AKAP3: variants seen among roughly 807,000 people sequenced by gnomAD.
AKAP3 encodes A-kinase anchor protein 3.
AKAP3 carries 27 observed loss-of-function variants against 57.2 expected under a neutral mutation model. That is an observed-to-expected ratio of 0.47 (90% confidence interval 0.35 to 0.65). The LOEUF is 0.65. AKAP3 is among the 30% of genes least tolerant of loss of function. The probability of loss-of-function intolerance (pLI) is 0.01; values close to 1 mark genes in which losing one functional copy is unlikely to be tolerated. For synonymous variants in AKAP3, 334 were observed against 392.3 expected (o/e 0.85, Z 1.76); for missense variants, 959 against 1,040.0 (o/e 0.92, Z 1.07).
chr12:4,627,118 A>G lies in AKAP3; in HGVS notation c.1784T>C (p.Phe595Ser). 6.2e-7 allele frequency: 1 copy of G among 1,614,182 alleles called. No homozygotes were observed. Among genetic ancestry groups the G allele is most frequent in the Non-Finnish European group, 8.5e-7 (1 of 1,180,032 alleles). ...AEKKDLRSVFFNFIRNLLSET... is the reference protein window; with the variant it reads ...AEKKDLRSVFSNFIRNLLSET... The stretch of plus-strand genomic sequence containing the variant: ...ACTAAGTAAGTTCCGGATGAAATTA[A>G]AGAAAACACTCCTTAGGTCCTTCTT... The change falls in exon 5 of 6, where the codon TTT becomes TCT. Residue 595 changes from phenylalanine (F) to serine (S), a missense_variant. Phe to Ser is a radical substitution (Grantham distance 155, BLOSUM62 -2). Transcript: ENST00000228850.
intron 5 of AKAP3, 125 bp downstream of exon 5, chr12:4,626,371 T>C: frequency 8.2e-7 from 1 of 1,224,304 alleles, no homozygotes; most frequent in South Asian, 1.6e-5. Flanking sequence ...AGGCATGATC[T>C]TCAAATCCCA....
In AKAP3 at chr12:4,628,315, G is replaced by C. The variant is rs768265184; in HGVS notation, c.587C>G (p.Pro196Arg). The change falls in exon 5 of 6, where the codon CCT (proline) becomes CGT (arginine). Residue 196 changes from proline to arginine, a missense_variant. Pro to Arg is a moderately radical substitution (Grantham distance 103, BLOSUM62 -2). Transcript: ENST00000228850. Reference protein sequence around the residue: ...CSRNAAPDKAPGSGDRVSGSS... With the variant: ...CSRNAAPDKARGSGDRVSGSS... ...TCCCGAGACTCTGTCTCCAGAGCCA[G>C]GAGCCTTGTCTGGGGCAGCATTCCT... 9.3e-6 allele frequency: 15 copies of C among 1,614,196 alleles called. No individual in the cohort carries two copies. The highest frequency in any genetic ancestry group is 3.3e-4 in the Middle Eastern group (2 of 6,060).
intron 2 of AKAP3, among the ~76,000 whole-genome samples, chr12:4,642,450 CAT>C (rs1220111276): frequency 6.6e-6 from 1 of 152,158 alleles, no homozygotes; most frequent in Non-Finnish European, 1.5e-5. Context: ...AAAGGGAGTT[CAT>C]AGATATCTTC....
chr12:4,629,274 G>A (rs1487551270), intron 4 of AKAP3, among the ~76,000 whole-genome samples: 6 of 152,180 alleles, frequency 3.9e-5, no homozygotes, highest in South Asian at 2.1e-4. Context: ...TGTAAAGGAC[G>A]TGATATCATT....
chr12:4,623,235 A>T (rs868524550), intron 5 of AKAP3, among the ~76,000 whole-genome samples: 1 of 152,226 alleles, frequency 6.6e-6, no homozygotes, highest in African/African-American at 2.4e-5. Flanking sequence ...ACTACTGTTC[A>T]ACCCAGCAAT....
intron 2 of AKAP3, among the ~76,000 whole-genome samples, chr12:4,644,498 G>A (rs1945675375): frequency 6.6e-6 from 1 of 152,206 alleles, no homozygotes; most frequent in Admixed American, 6.5e-5. Flanking sequence ...GGATAGCTGA[G>A]GAGATCTTGT....
rs1016994166 is a variant in AKAP3, at chr12:4,628,784, T to C, written c.118A>G (p.Arg40Gly). The change falls in exon 5 of 6, where the codon AGA becomes GGA. Residue 40 changes from arginine (R) to glycine (G), a missense_variant. Arg to Gly is a moderately radical substitution (Grantham distance 125). Coordinates refer to ENST00000228850, the MANE Select transcript of AKAP3 (RefSeq NM_001278309.2). ...TCTCTGCGGAGCCAGCTGAGCACTC[T>C]GACAGGATCCGTGGAGGTGTCCTTA... ...WKMDTSTDPV[R>G]VLSWLRRDLE... is the part of the protein sequence containing the mutation. 1 of 1,607,488 alleles carries C rather than the reference T, an allele frequency of 6.2e-7. No homozygotes were observed. The highest frequency in any genetic ancestry group is 1.3e-5 in the African/African-American group (1 of 74,808).
rs185509117 is a variant in AKAP3, at chr12:4,632,497, G to A, written c.97-3692C>T. ...TATTAATGGTTGAGACTATAATTAG[G>A]AACAAGAGTTTCAGAGAAGTCTAAG... On this transcript the variant is annotated intron_variant, in intron 4 of 5. Transcript: ENST00000228850. Among the ~76,000 whole-genome samples the A allele has an allele frequency of 1.3e-3, 205 of 152,316 alleles. 2 individuals are homozygous for A. Among genetic ancestry groups the A allele is most frequent in the African/African-American group, 4.7e-3 (195 of 41,570 alleles).
chr12:4,622,565 T>G (rs1945359751), intron 5 of AKAP3, among the ~76,000 whole-genome samples: 1 of 152,186 alleles, frequency 6.6e-6, no homozygotes, highest in South Asian at 2.1e-4. Context: ...CTGGGATAAC[T>G]GGCTAGCCAT....
At chr12:4,616,119 C>T (rs1470000733) in intron 5 of AKAP3, among the ~76,000 whole-genome samples, 4 of 152,226 alleles carry the variant, frequency 2.6e-5, no homozygotes, top group African/African-American at 4.8e-5. Context: ...TCTAAGAATT[C>T]TAAGGTTCTA....
chr12:4,632,326 A>C (rs972110378), intron 4 of AKAP3, among the ~76,000 whole-genome samples: 3 of 152,202 alleles, frequency 2.0e-5, no homozygotes, highest in African/African-American at 7.2e-5. Flanking sequence ...CGTCATGTGT[A>C]GTCGTGAGTT....
At chr12:4,641,531 T>G (rs1945637839) in intron 3 of AKAP3, among the ~76,000 whole-genome samples, 1 of 152,260 alleles carries the variant, frequency 6.6e-6, no homozygotes, top group African/African-American at 2.4e-5. Context: ...CTTATGTTAA[T>G]GTTTTGTTAT....
At chr12:4,635,217 A>G in intron 4 of AKAP3, 2 of 258,332 alleles carry the variant, frequency 7.7e-6, no homozygotes, top group Non-Finnish European at 1.5e-5. Context: ...ATAATTCTGC[A>G]TTAGAAACTT....
At chr12:4,631,720 C>T (rs1338781234) in intron 4 of AKAP3, among the ~76,000 whole-genome samples, 1 of 152,158 alleles carries the variant, frequency 6.6e-6, no homozygotes, top group Non-Finnish European at 1.5e-5. Flanking sequence ...AGTATTTTTA[C>T]AGAACCTAAC....
Position 4,627,134 on chromosome 12 carries a change from G to T in AKAP3, c.1768C>A (p.Leu590Ile), listed in dbSNP as rs747174463. 2 of 1,614,100 alleles carry T rather than the reference G, an allele frequency of 1.2e-6. No homozygotes were observed. The highest frequency in any genetic ancestry group is 1.7e-6 in the Non-Finnish European group (2 of 1,180,038). ...ATGAAATTAAAGAAAACACTCCTTA[G>T]GTCCTTCTTTTCTGCTTGTTCTTGG... ...GDQEQAEKKD[L>I]RSVFFNFIRN... Residue 590 changes from leucine (L) to isoleucine (I), a missense_variant, in exon 5 of 6, where the codon CTA becomes ATA. Transcript: ENST00000228850.
At chr12:4,617,365 G>C (rs1945297223) in intron 5 of AKAP3, among the ~76,000 whole-genome samples, 1 of 152,248 alleles carries the variant, frequency 6.6e-6, no homozygotes, top group Admixed American at 6.5e-5. Flanking sequence ...GATGATATCA[G>C]AAGGAAACTG....
rs770824582 is a variant in AKAP3, at chr12:4,625,976, A to G, written c.2406+520T>C. Among the ~76,000 whole-genome samples, 2 of 152,104 alleles carry G rather than the reference A, an allele frequency of 1.3e-5. No individual in the cohort carries two copies. The highest frequency in any genetic ancestry group is 1.5e-5 in the Non-Finnish European group (1 of 68,016). On this transcript the variant is annotated intron_variant, in intron 5 of 5. Transcript: ENST00000228850. This position sits in a 1 kb window ranked among gnomAD's most constrained non-coding sequence, Gnocchi z 5.4. ...CCTTATGCTTTAGTCTTACTTGTCAACTGATTCAGAGCTTAGGGTAGGGGG... is the reference window on the plus strand; with the variant it reads ...CCTTATGCTTTAGTCTTACTTGTCAGCTGATTCAGAGCTTAGGGTAGGGGG...
intron 5 of AKAP3, among the ~76,000 whole-genome samples, chr12:4,620,139 G>A (rs1367915661): frequency 6.6e-6 from 1 of 152,148 alleles, no homozygotes; most frequent in African/African-American, 2.4e-5. Context: ...ATTGGTACAA[G>A]AGTAGATGGA....
At chr12:4,623,991 ATG>A (rs1945377608) in intron 5 of AKAP3, among the ~76,000 whole-genome samples, 1 of 67,584 alleles carries the variant, frequency 1.5e-5, no homozygotes, top group Non-Finnish European at 3.2e-5. Flanking sequence ...ATTTGGAAAC[ATG>A]TATCAAATTA....
Sources: gnomAD v4.1 joint callset for allele counts (sites outside exome capture counted in the v4.1 genomes callset) on GRCh38, gnomAD v4.1.1 for gene constraint, Gnocchi (gnomAD v3.1) non-coding constraint, MANE v1.5 for transcripts, NCBI Gene and HGNC (gene_info 2026-07-23, HGNC 2026-07-21) for gene names.